Variants in LAT2 observed in about 807,000 individuals in gnomAD.
LAT2 encodes linker for activation of T-cells family member 2.
LAT2 carries 23 observed loss-of-function variants against 43.4 expected under a neutral mutation model. The observed-to-expected ratio is 0.53, with a 90% CI of 0.38 to 0.75. The LOEUF is 0.75. Among genes scored for constraint, LAT2 ranks in the 30% least tolerant of loss-of-function variants. The pLI is 0.00. For missense variants in LAT2, 284 were observed against 310.2 expected, an observed-to-expected ratio of 0.92 and a Z score of 0.64; for synonymous variants, 128 against 123.2, an observed-to-expected ratio of 1.04 and a Z score of -0.26.
chr7:74,212,100 C>T (rs992829212), intron 1 of LAT2, among the ~76,000 whole-genome samples: 5 of 151,856 alleles, frequency 3.3e-5, no homozygotes, highest in African/African-American at 7.3e-5. Flanking sequence ...TGTGCCACTG[C>T]GCCTGCCTAA....
chr7:74,222,180 G>A (rs1802308213), intron 10 of LAT2, among the ~76,000 whole-genome samples: 1 of 145,372 alleles, frequency 6.9e-6, no homozygotes, highest in Admixed American at 7.1e-5. Context: ...GAGGTCAGGA[G>A]TTCAAGACCA....
intron 13 of LAT2, among the ~76,000 whole-genome samples, chr7:74,228,348 C>T (rs1448424694): frequency 5.4e-5 from 8 of 147,940 alleles, no homozygotes; most frequent in Admixed American, 6.8e-5. Flanking sequence ...TGGTGGCAGG[C>T]GCCTGTAGTC....
chr7:74,223,496 CAAAG>C (rs1439923424), intron 10 of LAT2, among the ~76,000 whole-genome samples: 1 of 152,094 alleles, frequency 6.6e-6, no homozygotes, highest in Admixed American at 6.6e-5. Flanking sequence ...CAACAAGAAA[CAAAG>C]AAGACAGAGG....
At chr7:74,214,123 T>C (rs1424010521) in intron 1 of LAT2, among the ~76,000 whole-genome samples, 1 of 60,524 alleles carries the variant, frequency 1.7e-5, no homozygotes, top group Non-Finnish European at 3.1e-5. Context: ...AAAATATATA[T>C]ATAAATATAT....
intron 10 of LAT2, 31 bp downstream of exon 10, chr7:74,221,723 G>A: frequency 6.3e-7 from 1 of 1,599,464 alleles, no homozygotes; most frequent in African/African-American, 1.3e-5. Context: ...GGAGGTGGAG[G>A]AAGTGGTGTG....
chr7:74,220,649 C>A lies in LAT2; in HGVS notation c.301+30C>A, dbSNP rs1554715063. The A allele has an allele frequency of 1.9e-6, 3 of 1,613,794 alleles. No individual in the cohort carries two copies. The highest frequency in any genetic ancestry group is 2.5e-6 in the Non-Finnish European group (3 of 1,179,922). ...GTAGGCTCCTGGAGAAAGGGGGAGG[C>A]CATGGTGGGGGCCACACCCAGGGGC... On this transcript the variant is annotated intron_variant, in intron 8 of 13. Coordinates refer to ENST00000460943, the MANE Select transcript of LAT2 (RefSeq NM_032464.3). This position sits in a 1 kb window ranked among gnomAD's most constrained non-coding sequence, Gnocchi z 4.5.
intron 1 of LAT2, among the ~76,000 whole-genome samples, chr7:74,211,450 T>A (rs1440381451): frequency 2.6e-5 from 4 of 152,018 alleles, no homozygotes; most frequent in African/African-American, 9.7e-5. Flanking sequence ...GCTAATTTTT[T>A]ATTTTTTATT....
chr7:74,224,300 C>G, intron 12 of LAT2, 103 bp downstream of exon 12: 2 of 1,257,388 alleles, frequency 1.6e-6, no homozygotes, highest in South Asian at 1.3e-5. Context: ...GCCAGTCCAG[C>G]TAACCCCGCA....
At chr7:74,213,785 G>A in intron 1 of LAT2, among the ~76,000 whole-genome samples, 1 of 151,864 alleles carries the variant, frequency 6.6e-6, no homozygotes, top group Non-Finnish European at 1.5e-5. Flanking sequence ...GCTGTGGGAT[G>A]GGGAGAAGCC....
chr7:74,215,881 C>T (rs1381554221), intron 2 of LAT2, 66 bp from the exon 3 acceptor site: 2 of 1,097,220 alleles, frequency 1.8e-6, no homozygotes, highest in Non-Finnish European at 2.8e-6. Flanking sequence ...TGTCCGAGCA[C>T]AGTGGGGGTG....
rs369865553 is a variant in LAT2 at position 74,216,088 on chromosome 7, G to A, written c.94+19G>A. ...CGCCCAGGTAAGCGGGGGTCTCGGG[G>A]ACGTGATGGGGAGAAGGTGTGGACA... On this transcript the variant is annotated intron_variant, in intron 3 of 13. Coordinates refer to ENST00000460943, the MANE Select transcript of LAT2 (RefSeq NM_032464.3). 4 of 1,594,964 alleles carry A rather than the reference G, an allele frequency of 2.5e-6. No homozygotes were observed. Among genetic ancestry groups the A allele is most frequent in the Non-Finnish European group, 3.4e-6 (4 of 1,169,940 alleles).
At position 74,214,251 on chromosome 7, in the gene LAT2, T is replaced by TGAATATATATATGA. The variant is rs1442449472; in HGVS notation, c.-218-571_-218-570insGAATATATATATGA. On this transcript the variant is annotated intron_variant, in intron 1 of 13. Transcript: ENST00000460943. ...GAAAATATATATGAAAATATATATA[T>TGAATATATATATGA]AAATATATATATATGAAAATATATA... Among the ~76,000 whole-genome samples the TGAATATATATATGA allele has an allele frequency of 3.0e-4, 23 of 76,618 alleles. 1 individual carries two copies. Among genetic ancestry groups the TGAATATATATATGA allele is most frequent in the East Asian group, 8.1e-4 (2 of 2,470 alleles). The allele number at this position is 76,618 out of a possible 152,430, so 50.3% of individuals were successfully genotyped here. A position where few individuals can be genotyped will look rare whatever the true frequency, so the allele number is the denominator to read the frequency against.
Position 74,220,320 on chromosome 7 carries a change from C to A in LAT2, c.265+66C>A. ...GCTGGGACTAAGACAGGCGAAAACC[C>A]CATGGGACAGGCGTCGTGCAGTGGG... is the stretch of plus-strand genomic sequence containing the variant. On this transcript the variant is annotated intron_variant, in intron 7 of 13. Coordinates refer to ENST00000460943, the MANE Select transcript of LAT2 (RefSeq NM_032464.3). This position sits in a 1 kb window ranked among gnomAD's most constrained non-coding sequence, Gnocchi z 4.5. 2 of 1,545,596 alleles carry A rather than the reference C, an allele frequency of 1.3e-6. No homozygotes were observed. Among genetic ancestry groups the A allele is most frequent in the South Asian group, 1.2e-5 (1 of 85,582 alleles).
At chr7:74,210,535 C>T (rs1554712985) in intron 1 of LAT2, among the ~76,000 whole-genome samples, 1 of 152,174 alleles carries the variant, frequency 6.6e-6, no homozygotes, top group East Asian at 1.9e-4. Flanking sequence ...CTGCCCAGCC[C>T]CCTACCTGGC....
intron 4 of LAT2, 93 bp from the exon 5 acceptor site, chr7:74,219,651 C>A: frequency 6.7e-7 from 1 of 1,491,790 alleles, no homozygotes; most frequent in Non-Finnish European, 9.3e-7. Context: ...CTCTGCTTTC[C>A]CTCCTCATCC....
intron 2 of LAT2, among the ~76,000 whole-genome samples, chr7:74,215,744 G>T (rs1802014981): frequency 6.6e-6 from 1 of 152,216 alleles, no homozygotes; most frequent in South Asian, 2.1e-4. Flanking sequence ...CAAGGGTGAA[G>T]ATGGCCCACA....
rs372580979 is a variant in LAT2, at chr7:74,214,361, A to T, written c.-218-461A>T. Among the ~76,000 whole-genome samples the T allele has an allele frequency of 3.0e-3, 130 of 43,818 alleles. 3 individuals carry two copies. The highest frequency in any genetic ancestry group is 4.6e-3 in the Non-Finnish European group (115 of 24,738). The allele number at this position is 43,818 out of a possible 152,430, so 28.7% of individuals were successfully genotyped here. A position where few individuals can be genotyped will look rare whatever the true frequency, so the allele number is the denominator to read the frequency against. Reference sequence around the variant, plus strand: ...ATATATATATGAAAATATATATATAAATATATATATATGAAAATATATATA... The same window carrying T: ...ATATATATATGAAAATATATATATATATATATATATATGAAAATATATATA... On this transcript the variant is annotated intron_variant, in intron 1 of 13. Coordinates refer to ENST00000460943, the MANE Select transcript of LAT2 (RefSeq NM_032464.3).
chr7:74,215,984 G>A lies in LAT2; in HGVS notation c.9G>A (p.Ser3=), dbSNP rs782305950. ...CAACACCAGGAGCCAACATGAGCTC[G>A]GGGACTGAACTGCTGTGGCCCGGAG... MS[S]GTELLWPGAA... is the part of the protein sequence containing the mutation. The change falls in exon 3 of 14, where the codon TCG becomes TCA. Residue 3 remains serine (S), a synonymous_variant. Transcript: ENST00000460943. 9.5e-5 allele frequency: 154 copies of A among 1,614,088 alleles called. No homozygotes were observed. The highest frequency in any genetic ancestry group is 8.2e-4 in the Middle Eastern group (5 of 6,062).
chr7:74,221,811 T>G, intron 10 of LAT2, 119 bp downstream of exon 10: 2 of 545,122 alleles, frequency 3.7e-6, no homozygotes, highest in South Asian at 2.4e-5. Context: ...CAGAGCCGGT[T>G]GGGTGGACAG....
Sources: allele counts gnomAD v4.1 joint callset (sites outside exome capture counted in the v4.1 genomes callset), GRCh38; gene constraint gnomAD v4.1.1; non-coding constraint Gnocchi (gnomAD v3.1); transcripts MANE v1.5; gene names NCBI Gene and HGNC (gene_info 2026-07-23, HGNC 2026-07-21).